TIPARP: variants seen among roughly 807,000 people sequenced by gnomAD.
The protein encoded by TIPARP is protein mono-ADP-ribosyltransferase TIPARP.
TIPARP carries 12 observed loss-of-function variants against 56.5 expected under a neutral mutation model. That is an observed-to-expected ratio of 0.21 (90% CI 0.14 to 0.34). The LOEUF is 0.34. Among genes scored for constraint, TIPARP ranks in the 10% least tolerant of loss-of-function variants. The pLI is 1.00. For synonymous variants in TIPARP, 296 were observed against 265.7 expected (o/e 1.11, Z -1.11); for missense variants, 604 against 781.6 (o/e 0.77, Z 2.71).
intron 2 of TIPARP, among the ~76,000 whole-genome samples, chr3:156,692,374 C>G (rs1722598096): frequency 6.6e-6 from 1 of 151,960 alleles, no homozygotes; most frequent in Non-Finnish European, 1.5e-5. Flanking sequence ...GTTTGTTTCA[C>G]TTTTTAGGAT....
intron 5 of TIPARP, 107 bp from the exon 6 acceptor site, chr3:156,704,577 T>A: frequency 1.2e-5 from 14 of 1,216,456 alleles, no homozygotes; most frequent in Non-Finnish European, 1.5e-5. Context: ...ATTTTGCCCT[T>A]GATAACTCCT....
At chr3:156,675,871 G>C (rs1159759367) in intron 1 of TIPARP, 1 of 152,230 alleles carries the variant, frequency 6.6e-6, no homozygotes, top group African/African-American at 2.4e-5. Flanking sequence ...TAATTGAGGA[G>C]CTAGGTTCTA....
chr3:156,705,141 G>T lies in TIPARP; in HGVS notation c.*10G>T, dbSNP rs370232193. The T allele has an allele frequency of 1.1e-5, 15 of 1,315,192 alleles. No individual in the cohort carries two copies. In the East Asian group the frequency reaches 6.1e-4, roughly 53 times the overall value. The allele number at this position is 1,315,192 out of a possible 1,614,324, so 81.5% of individuals were successfully genotyped here. ...CACTGTTTCCATTTGAAAAATCTTGGTACTGCTAAATTATTTGATATGAAC... is the reference window on the plus strand; with the variant it reads ...CACTGTTTCCATTTGAAAAATCTTGTTACTGCTAAATTATTTGATATGAAC... On this transcript the variant is annotated 3_prime_UTR_variant, in exon 6 of 6. Transcript: ENST00000295924.
rs776648519 is a variant in TIPARP at position 156,678,306 on chromosome 3, T to C, written c.609T>C (p.Ser203=). Residue 203 remains serine (S), a synonymous_variant, in exon 2 of 6, where the codon AGT becomes AGC. Transcript: ENST00000295924. ...SFTIQYILDT[S]DKLSTELFQD... is the part of the protein sequence containing the mutation. ...CAATCCAATACATTCTGGACACCAG[T>C]GATAAGCTGAGTACTGAGCTCTTTC... is the stretch of plus-strand genomic sequence containing the variant. The C allele has an allele frequency of 3.0e-5, 49 of 1,614,078 alleles. No homozygotes were observed. The highest frequency in any genetic ancestry group is 4.2e-5 in the Non-Finnish European group (49 of 1,180,060).
intron 2 of TIPARP, among the ~76,000 whole-genome samples, chr3:156,681,512 A>G (rs1036750509): frequency 6.6e-6 from 1 of 152,200 alleles, no homozygotes; most frequent in Non-Finnish European, 1.5e-5. Context: ...AACTGTACAG[A>G]TAAAATCTTT....
At chr3:156,695,202 T>TTTTACTTA (rs1553771379) in intron 3 of TIPARP, among the ~76,000 whole-genome samples, 15 of 146,990 alleles carry the variant, frequency 1.0e-4, no homozygotes, top group Non-Finnish European at 3.0e-5. Flanking sequence ...CCTTTTCAAA[T>TTTTACTTA]TTTATTTATT....
chr3:156,686,441 G>GT (rs1722430127), intron 2 of TIPARP, among the ~76,000 whole-genome samples: 1 of 152,128 alleles, frequency 6.6e-6, no homozygotes, highest in South Asian at 2.1e-4. Context: ...CTAGCAATTT[G>GT]TTTAAAGAAC....
chr3:156,695,108 G>A (rs1007204778), intron 3 of TIPARP, among the ~76,000 whole-genome samples: 12 of 152,052 alleles, frequency 7.9e-5, no homozygotes, highest in African/African-American at 2.7e-4. Context: ...TGTTTAAAAT[G>A]TACTCTCAGA....
At position 156,706,227 on chromosome 3, in the gene TIPARP, C is replaced by T. The variant is rs544555380; in HGVS notation, c.*1096C>T. The T allele has an allele frequency of 1.3e-5, 2 of 152,672 alleles. No individual in the cohort carries two copies. The highest frequency in any genetic ancestry group is 6.5e-5 in the Admixed American group (1 of 15,296). The allele number at this position is 152,672 out of a possible 1,614,324, so 9.5% of individuals were successfully genotyped here. The stretch of plus-strand genomic sequence containing the variant: ...TGCCAGTGGTCCAGCTGGAGCACAA[C>T]GTTTGGTGAATATGCTGTTTCCTCA... On this transcript the variant is annotated 3_prime_UTR_variant, in exon 6 of 6. Coordinates refer to ENST00000295924, the MANE Select transcript of TIPARP (RefSeq NM_015508.5).
chr3:156,704,564 G>A, intron 5 of TIPARP, 120 bp from the exon 6 acceptor site: 1 of 985,528 alleles, frequency 1.0e-6, no homozygotes, highest in Non-Finnish European at 1.5e-6. Context: ...GATCTTTGAT[G>A]GCATTTTGCC....
chr3:156,704,106 A>G (rs975394552), intron 5 of TIPARP, among the ~76,000 whole-genome samples: 2 of 152,006 alleles, frequency 1.3e-5, no homozygotes, highest in African/African-American at 4.8e-5. Context: ...CACAGAATTT[A>G]TGTTCATATT....
At chr3:156,676,392 ACT>A (rs1401589277) in intron 1 of TIPARP, among the ~76,000 whole-genome samples, 1 of 152,064 alleles carries the variant, frequency 6.6e-6, no homozygotes, top group South Asian at 2.1e-4. Context: ...TAGATTTATG[ACT>A]CTCCAATTAA....
chr3:156,684,348 C>T (rs982022397), intron 2 of TIPARP, among the ~76,000 whole-genome samples: 1 of 152,176 alleles, frequency 6.6e-6, no homozygotes, highest in African/African-American at 2.4e-5. Flanking sequence ...CTTGATTTTA[C>T]CGCTACTTTG....
intron 2 of TIPARP, among the ~76,000 whole-genome samples, chr3:156,685,430 G>C (rs1722407111): frequency 6.6e-6 from 1 of 152,204 alleles, no homozygotes; most frequent in African/African-American, 2.4e-5. Flanking sequence ...AGAAACCAGT[G>C]ACTTTCGAGT....
intron 4 of TIPARP, among the ~76,000 whole-genome samples, chr3:156,696,813 A>G (rs781375270): frequency 3.3e-5 from 5 of 152,194 alleles, no homozygotes; most frequent in Non-Finnish European, 5.9e-5. Flanking sequence ...TGAAAATGGT[A>G]TAGGTTTACT....
intron 1 of TIPARP, chr3:156,675,253 G>A (rs1414596387): frequency 6.6e-6 from 1 of 152,212 alleles, no homozygotes; most frequent in Non-Finnish European, 1.5e-5. Flanking sequence ...AAGTTTGGAA[G>A]ATGTTTTCAC....
At chr3:156,695,202 T>TTTTATTTATTTATTTA (rs58864139) in intron 3 of TIPARP, among the ~76,000 whole-genome samples, 2,629 of 147,076 alleles carry the variant, frequency 0.018, 42 homozygotes, top group African/African-American at 0.045. Flanking sequence ...CCTTTTCAAA[T>TTTTATTTATTTATTTA]TTTATTTATT....
In TIPARP at chr3:156,678,067, G is replaced by A. The variant is rs1722194790; in HGVS notation, c.370G>A (p.Ala124Thr). ...AAATGTTGGGGACCAGATACCGGAA[G>A]CCCATCCTTCCACTGAAGCTCCAGA... ...RTNVGDQIPE[A>T]HPSTEAPERV... is the part of the protein sequence containing the mutation. Residue 124 changes from alanine to threonine, a missense_variant, in exon 2 of 6, where the codon GCC (alanine) becomes ACC (threonine). By Grantham distance (58) the Ala-to-Thr change is moderately conservative. Transcript: ENST00000295924. 1.2e-6 allele frequency: 2 copies of A among 1,614,068 alleles called. No homozygotes were observed. Among genetic ancestry groups the A allele is most frequent in the Non-Finnish European group, 1.7e-6 (2 of 1,180,018 alleles).
intron 1 of TIPARP, chr3:156,675,161 G>A (rs1577031350): frequency 1.0e-5 from 1 of 97,678 alleles, no homozygotes; most frequent in East Asian, 3.2e-4. Flanking sequence ...AGGCGCCTAG[G>A]AGCCCTTCCC....
Sources: gnomAD v4.1 joint callset for allele counts (sites outside exome capture counted in the v4.1 genomes callset) on GRCh38, gnomAD v4.1.1 for gene constraint, MANE v1.5 for transcripts, NCBI Gene and HGNC (gene_info 2026-07-23, HGNC 2026-07-21) for gene names.